Variants in EFCAB8 observed in about 807,000 individuals in gnomAD.
EFCAB8 encodes the protein EF-hand calcium-binding domain-containing protein 8.
EFCAB8 carries 100 observed loss-of-function variants against 116.3 expected under a neutral mutation model. That is an observed-to-expected ratio of 0.86 (90% CI 0.73 to 1.02). The LOEUF (loss-of-function observed/expected upper bound fraction) is 1.02. EFCAB8 is among the 50% of genes least tolerant of loss of function. The pLI is 0.00. For synonymous variants in EFCAB8, 558 were observed against 567.9 expected, an observed-to-expected ratio of 0.98 and a Z score of 0.25; for missense variants, 1,320 against 1,416.9, an observed-to-expected ratio of 0.93 and a Z score of 1.10.
chr20:32,893,350 G>GCAT, intron 9 of EFCAB8, 52 bp downstream of exon 9: 1 of 1,546,880 alleles, frequency 6.5e-7, no homozygotes, highest in South Asian at 1.2e-5. Flanking sequence ...GCCTAGATGT[G>GCAT]GGTGCTGAGG....
At chr20:32,863,705 C>G in intron 1 of EFCAB8, 78 bp from the exon 2 acceptor site, 1 of 1,436,250 alleles carries the variant, frequency 7.0e-7, no homozygotes, top group Non-Finnish European at 9.4e-7. Flanking sequence ...TTCCACCTTT[C>G]TGTGACCTGG....
intron 23 of EFCAB8, among the ~76,000 whole-genome samples, chr20:32,953,749 A>G (rs1190023056): frequency 6.6e-6 from 1 of 152,182 alleles, no homozygotes; most frequent in African/African-American, 2.4e-5. Context: ...TATGATTTTC[A>G]GATACTTTCT....
At chr20:32,894,488 C>T (rs984731228) in intron 9 of EFCAB8, among the ~76,000 whole-genome samples, 5 of 152,234 alleles carry the variant, frequency 3.3e-5, no homozygotes, top group Non-Finnish European at 7.3e-5. Flanking sequence ...CTTTGAGCCA[C>T]ATGGTGAATG....
At chr20:32,930,722 G>T in intron 21 of EFCAB8, 106 bp downstream of exon 21, 3 of 1,093,024 alleles carry the variant, frequency 2.7e-6, no homozygotes, top group Non-Finnish European at 4.0e-6. Context: ...TCTGGGTACT[G>T]GTTCCATTTG....
chr20:32,887,761 C>T (rs1408165234), intron 6 of EFCAB8, among the ~76,000 whole-genome samples: 1 of 152,256 alleles, frequency 6.6e-6, no homozygotes, highest in Non-Finnish European at 1.5e-5. Flanking sequence ...TGTCTGTGCA[C>T]ATGCTACACG....
rs1243474964 is a variant in EFCAB8 at position 32,885,643 on chromosome 20, G to C, written c.567+3G>C. 1 of 1,551,608 alleles carries C rather than the reference G, an allele frequency of 6.4e-7. No individual in the cohort carries two copies. Among genetic ancestry groups the C allele is most frequent in the South Asian group, 1.2e-5 (1 of 84,042 alleles). ...TCTCGCTGATGAGCTCCTTTAGGGT[G>C]AGTGGGGCCCCTACACATGGTGCAC... On this transcript the variant is annotated splice_donor_region_variant and intron_variant, in intron 6 of 26. Coordinates refer to ENST00000400522, the MANE Select transcript of EFCAB8 (RefSeq NM_001143967.2).
intron 11 of EFCAB8, among the ~76,000 whole-genome samples, chr20:32,899,699 C>A (rs948308382): frequency 6.6e-6 from 1 of 151,982 alleles, no homozygotes; most frequent in Non-Finnish European, 1.5e-5. Context: ...CTCAGCCTCC[C>A]GAGTACCTGG....
At chr20:32,956,542 G>A (rs1988969347) in intron 23 of EFCAB8, among the ~76,000 whole-genome samples, 1 of 151,972 alleles carries the variant, frequency 6.6e-6, no homozygotes, top group Admixed American at 6.6e-5. Flanking sequence ...TAAAATTTAA[G>A]ACTATTTTAC....
rs1330520115 is a variant in EFCAB8, at chr20:32,908,330, A to C, written c.1364A>C (p.Lys455Thr). The stretch of plus-strand genomic sequence containing the variant: ...ATATGCCTCCAGTCCTTCTGTGGGA[A>C]GTTTTTTGCTCTGGGAAACTGCCCC... ...DYICLQSFCGKFFALGNCPIT... is the reference protein window; with the variant it reads ...DYICLQSFCGTFFALGNCPIT... The change falls in exon 14 of 27, where the codon AAG (lysine) becomes ACG (threonine). Residue 455 changes from lysine (K) to threonine (T), a missense_variant. Coordinates refer to ENST00000400522, the MANE Select transcript of EFCAB8 (RefSeq NM_001143967.2). 2.4e-6 allele frequency: 3 copies of C among 1,249,720 alleles called. No homozygotes were observed. The highest frequency in any genetic ancestry group is 1.6e-5 in the African/African-American group (1 of 64,464). 77.4% of individuals were successfully genotyped at this position (1,249,720 alleles called of 1,614,324 possible). A position where few individuals can be genotyped will look rare whatever the true frequency, so the allele number is the denominator to read the frequency against.
intron 15 of EFCAB8, among the ~76,000 whole-genome samples, chr20:32,910,921 A>G (rs1461853898): frequency 1.3e-5 from 2 of 151,924 alleles, no homozygotes; most frequent in Admixed American, 6.6e-5. Flanking sequence ...TATTTTTAGT[A>G]GAGACAGGGT....
intron 1 of EFCAB8, among the ~76,000 whole-genome samples, chr20:32,860,699 G>C (rs749534923): frequency 1.3e-5 from 2 of 151,642 alleles, no homozygotes; most frequent in Non-Finnish European, 2.9e-5. Flanking sequence ...ATAAAAATTG[G>C]CATCATAGTG....
intron 22 of EFCAB8, among the ~76,000 whole-genome samples, chr20:32,932,960 C>T (rs1245498608): frequency 1.3e-5 from 2 of 152,124 alleles, no homozygotes; most frequent in Non-Finnish European, 2.9e-5. Flanking sequence ...ACTGATTACC[C>T]ACAGTGTCAG....
intron 22 of EFCAB8, among the ~76,000 whole-genome samples, chr20:32,933,804 C>A (rs551305495): frequency 2.6e-5 from 4 of 152,280 alleles, no homozygotes; most frequent in Admixed American, 2.0e-4. Flanking sequence ...CATGGTGAAA[C>A]CTTGTCCCTA....
Position 32,908,354 on chromosome 20 carries a change from C to T in EFCAB8, c.1388C>T (p.Pro463Leu). 2 of 1,249,964 alleles carry T rather than the reference C, an allele frequency of 1.6e-6. No homozygotes were observed. The highest frequency in any genetic ancestry group is 2.0e-6 in the Non-Finnish European group (2 of 988,264). The allele number at this position is 1,249,964 out of a possible 1,614,324, so 77.4% of individuals were successfully genotyped here. ...CGKFFALGNC[P>L]ITSAYFFEKD... ...AAGTTTTTTGCTCTGGGAAACTGCC[C>T]CATCACCAGTGCCTACTTCTTCGAG... is the stretch of plus-strand genomic sequence containing the variant. Residue 463 changes from proline (P) to leucine (L), a missense_variant, in exon 14 of 27, where the codon CCC (proline) becomes CTC (leucine). Transcript: ENST00000400522.
At chr20:32,932,267 C>T (rs773428973) in intron 22 of EFCAB8, among the ~76,000 whole-genome samples, 2 of 152,046 alleles carry the variant, frequency 1.3e-5, no homozygotes, top group Non-Finnish European at 2.9e-5. Flanking sequence ...ATCCCAGCTA[C>T]TTGGGAGGCT....
intron 22 of EFCAB8, among the ~76,000 whole-genome samples, chr20:32,938,644 CA>C (rs1988213894): frequency 6.7e-6 from 1 of 149,246 alleles, no homozygotes; most frequent in Non-Finnish European, 1.5e-5. Flanking sequence ...TAGCAATAAA[CA>C]ATCTGAAAAT....
chr20:32,934,965 T>C (rs2377735), intron 22 of EFCAB8, among the ~76,000 whole-genome samples: 23,510 of 152,098 alleles, frequency 0.15, 2,277 homozygotes, highest in Admixed American at 0.25. Context: ...GTTTTCTTTT[T>C]TCTGCCTCCT....
At chr20:32,911,438 C>A in intron 15 of EFCAB8, 42 bp from the exon 16 acceptor site, 1 of 1,435,704 alleles carries the variant, frequency 7.0e-7, no homozygotes, top group South Asian at 1.5e-5. Flanking sequence ...GGAGTGGAGG[C>A]CCCGGCCTCT....
At chr20:32,940,591 T>C (rs982922696) in intron 22 of EFCAB8, among the ~76,000 whole-genome samples, 1 of 149,806 alleles carries the variant, frequency 6.7e-6, no homozygotes, top group Non-Finnish European at 1.5e-5. Context: ...TTGTCAAAAT[T>C]AAAAACTTTT....
Sources: allele counts gnomAD v4.1 joint callset (sites outside exome capture counted in the v4.1 genomes callset), GRCh38; gene constraint gnomAD v4.1.1; transcripts MANE v1.5; gene names NCBI Gene and HGNC (gene_info 2026-07-23, HGNC 2026-07-21).